Variants in CALN1 observed in about 807,000 individuals in gnomAD.
CALN1 encodes calcium-binding protein 8.
CALN1 carries 17 observed loss-of-function variants against 30.6 expected under a neutral mutation model. That is an observed-to-expected ratio of 0.56 (90% confidence interval 0.38 to 0.83). The LOEUF is 0.83. Among genes scored for constraint, CALN1 ranks in the 40% least tolerant of loss-of-function variants. CALN1 has a pLI of 0.00. For missense variants in CALN1, 291 were observed against 354.9 expected, an observed-to-expected ratio of 0.82 and a Z score of 1.45; for synonymous variants, 156 against 131.4, an observed-to-expected ratio of 1.19 and a Z score of -1.28.
chr7:72,501,497 A>T, the CALN1 span, among the ~76,000 whole-genome samples: 114 of 140,098 alleles, frequency 8.1e-4, 2 homozygotes, highest in Non-Finnish European at 1.1e-4. Flanking sequence ...GAAGGAAGGA[A>T]GGATGGAAGG....
At chr7:72,289,676 T>A (rs1798339330) in intron 2 of CALN1, among the ~76,000 whole-genome samples, 1 of 152,120 alleles carries the variant, frequency 6.6e-6, no homozygotes, top group Non-Finnish European at 1.5e-5. Flanking sequence ...TAGGCTAAAT[T>A]AACCACAAAA....
intron 3 of CALN1, among the ~76,000 whole-genome samples, chr7:72,131,355 T>C (rs1355015435): frequency 6.6e-6 from 1 of 152,180 alleles, no homozygotes; most frequent in Admixed American, 6.5e-5. Context: ...TGACTCCATT[T>C]GTGAATTGAC....
intron 2 of CALN1, among the ~76,000 whole-genome samples, chr7:72,326,635 A>G (rs933745334): frequency 3.8e-4 from 58 of 152,254 alleles, no homozygotes; most frequent in African/African-American, 1.3e-3. Flanking sequence ...ATGTTTACAC[A>G]GTAATTAGGC....
At chr7:72,396,795 G>C (rs1805991294) in intron 2 of CALN1, among the ~76,000 whole-genome samples, 1 of 152,172 alleles carries the variant, frequency 6.6e-6, no homozygotes, top group Non-Finnish European at 1.5e-5. Flanking sequence ...ATGGAGACCT[G>C]ACCACTAGAA....
At chr7:72,097,804 C>G (rs1048183135) in intron 4 of CALN1, among the ~76,000 whole-genome samples, 2 of 152,070 alleles carry the variant, frequency 1.3e-5, no homozygotes, top group Non-Finnish European at 1.5e-5. Flanking sequence ...ACCTCTGACT[C>G]CCAGGTTCAA....
intron 6 of CALN1, among the ~76,000 whole-genome samples, chr7:71,807,946 C>T (rs7785016): frequency 0.35 from 53,637 of 151,586 alleles, 10,119 homozygotes; most frequent in East Asian, 0.6. Context: ...TGGGGGTGGG[C>T]ACCTGTAGTC....
At chr7:71,840,707 A>G (rs562337892) in intron 5 of CALN1, among the ~76,000 whole-genome samples, 16 of 152,162 alleles carry the variant, frequency 1.1e-4, no homozygotes, top group Admixed American at 7.9e-4. Context: ...TGGGGATAAT[A>G]ATACTAATGA....
intron 2 of CALN1, among the ~76,000 whole-genome samples, chr7:72,392,582 T>C (rs1162611262): frequency 6.6e-6 from 1 of 152,164 alleles, no homozygotes; most frequent in Non-Finnish European, 1.5e-5. Flanking sequence ...TAGTACTGTC[T>C]CATACGGTCT....
At chr7:72,101,652 T>A (rs568746530) in intron 4 of CALN1, among the ~76,000 whole-genome samples, 3 of 152,268 alleles carry the variant, frequency 2.0e-5, no homozygotes, top group African/African-American at 7.2e-5. Flanking sequence ...TCACCCTTAT[T>A]ATCATCCTCC....
At chr7:71,913,022 G>C (rs1794504201) in intron 5 of CALN1, among the ~76,000 whole-genome samples, 2 of 152,196 alleles carry the variant, frequency 1.3e-5, no homozygotes, top group African/African-American at 4.8e-5. Context: ...AGGCTGAGGA[G>C]AGCATCCAGG....
At chr7:72,392,933 A>C (rs1805671007) in intron 2 of CALN1, among the ~76,000 whole-genome samples, 1 of 152,096 alleles carries the variant, frequency 6.6e-6, no homozygotes, top group Non-Finnish European at 1.5e-5. Context: ...CAGAAGTTCA[A>C]GGCTGCAATG....
chr7:72,322,285 T>G (rs1287183581), intron 2 of CALN1, among the ~76,000 whole-genome samples: 1 of 152,146 alleles, frequency 6.6e-6, no homozygotes. Flanking sequence ...AATCTAACAC[T>G]GCCGCTGATC....
At chr7:72,030,742 A>C (rs1801384902) in intron 4 of CALN1, among the ~76,000 whole-genome samples, 1 of 151,636 alleles carries the variant, frequency 6.6e-6, no homozygotes, top group Non-Finnish European at 1.5e-5. Context: ...TAAAATACCC[A>C]CACAATTTTT....
At chr7:72,165,728 A>G (rs1788477561) in intron 3 of CALN1, among the ~76,000 whole-genome samples, 1 of 152,090 alleles carries the variant, frequency 6.6e-6, no homozygotes, top group Non-Finnish European at 1.5e-5. Context: ...AGAAATAAAT[A>G]AAACTTAAGC....
rs1214141503 is a variant in CALN1 at position 71,779,838 on chromosome 7, T to C, written c.*7937A>G. 1 of 152,166 alleles carries C rather than the reference T, an allele frequency of 6.6e-6. No homozygotes were observed. Among genetic ancestry groups the C allele is most frequent in the Non-Finnish European group, 1.5e-5 (1 of 68,040 alleles). 9.4% of individuals were successfully genotyped at this position (152,166 alleles called of 1,614,324 possible). ...AATGGGAAGATGGTGATTGATGAGTTCCGTCTTAGTGGCTTATTCTGGATA... is the reference window on the plus strand; with the variant it reads ...AATGGGAAGATGGTGATTGATGAGTCCCGTCTTAGTGGCTTATTCTGGATA... On this transcript the variant is annotated 3_prime_UTR_variant, in exon 7 of 7. Transcript: ENST00000395275.
At chr7:72,124,795 G>C (rs1436991930) in intron 3 of CALN1, among the ~76,000 whole-genome samples, 2 of 151,234 alleles carry the variant, frequency 1.3e-5, no homozygotes, top group Non-Finnish European at 2.9e-5. Context: ...CAAATGAACT[G>C]ACCTACAGCA....
chr7:71,948,399 G>A (rs1045915858), intron 5 of CALN1, among the ~76,000 whole-genome samples: 1 of 152,122 alleles, frequency 6.6e-6, no homozygotes, highest in East Asian at 1.9e-4. Flanking sequence ...CCTTCTAAGA[G>A]AGAGTCATCA....
chr7:71,847,757 AAAGAAGAAGAAGAAGAAAGAAG>A (rs1790372306), intron 5 of CALN1, among the ~76,000 whole-genome samples: 1 of 125,104 alleles, frequency 8.0e-6, no homozygotes, highest in Non-Finnish European at 1.8e-5. Context: ...AAGAAAGAAG[AAAGAAGAAGAAGAAGAAAGAAG>A]AAGAAGAAGA....
At chr7:72,389,392 G>A (rs1214515206) in intron 2 of CALN1, among the ~76,000 whole-genome samples, 1 of 152,144 alleles carries the variant, frequency 6.6e-6, no homozygotes, top group Admixed American at 6.5e-5. Context: ...AGTGTCCGAG[G>A]CATCGTCTTT....
Sources: gnomAD v4.1 joint callset for allele counts (sites outside exome capture counted in the v4.1 genomes callset) on GRCh38, gnomAD v4.1.1 for gene constraint, MANE v1.5 for transcripts, NCBI Gene and HGNC (gene_info 2026-07-23, HGNC 2026-07-21) for gene names.